KCNIP4: variants seen among roughly 807,000 people sequenced by gnomAD.
The protein encoded by KCNIP4 is Kv channel-interacting protein 4.
Under a neutral mutation model 34.0 loss-of-function variants are expected in KCNIP4, and 12 were observed. The ratio of observed to expected loss-of-function variants is 0.35; its 90% CI spans 0.23 to 0.57. The LOEUF (loss-of-function observed/expected upper bound fraction) is 0.57, where lower values mean the gene tolerates loss of function less well. Among genes scored for constraint, KCNIP4 ranks in the 20% least tolerant of loss-of-function variants. KCNIP4 has a pLI of 0.83. For missense variants in KCNIP4, 238 were observed against 311.7 expected (o/e 0.76, Z 1.78); for synonymous variants, 124 against 102.2 (o/e 1.21, Z -1.29).
At chr4:20,995,012 C>T (rs1737419843) in intron 1 of KCNIP4, among the ~76,000 whole-genome samples, 1 of 152,130 alleles carries the variant, frequency 6.6e-6, no homozygotes, top group Admixed American at 6.5e-5. Context: ...CAGCTCTAAC[C>T]CCTTCTGAAT....
intron 1 of KCNIP4, among the ~76,000 whole-genome samples, chr4:21,442,154 A>C (rs928446659): frequency 2.0e-5 from 3 of 152,166 alleles, no homozygotes. Context: ...TCACCTCCAG[A>C]ACCTGCCAGT....
In KCNIP4 at chr4:21,424,254, C is replaced by T. The variant is rs546998704; in HGVS notation, c.61+524317G>A. 9.5e-4 allele frequency among the ~76,000 whole-genome samples: 145 copies of T among 151,976 alleles called. 1 individual carries two copies. Among genetic ancestry groups the T allele is most frequent in the Middle Eastern group, 6.8e-3 (2 of 294 alleles). ...CCATATCTGGACTATCTGATCTTTT[C>T]CAATATGTGTAAATTTCTTAAAAAC... is the stretch of plus-strand genomic sequence containing the variant. On this transcript the variant is annotated intron_variant, in intron 1 of 8. Coordinates refer to ENST00000382152, the MANE Select transcript of KCNIP4 (RefSeq NM_025221.6).
At chr4:21,166,572 G>T (rs1432615318) in intron 1 of KCNIP4, among the ~76,000 whole-genome samples, 1 of 152,114 alleles carries the variant, frequency 6.6e-6, no homozygotes, top group Non-Finnish European at 1.5e-5. Context: ...ACATACAAAG[G>T]CTTGTCCACA....
chr4:21,588,732 A>G lies in KCNIP4; in HGVS notation c.61+359839T>C, dbSNP rs527501595. 2.0e-5 allele frequency among the ~76,000 whole-genome samples: 3 copies of G among 151,894 alleles called. No homozygotes were observed. In the East Asian group the frequency reaches 5.8e-4, roughly 29 times the overall value. On this transcript the variant is annotated intron_variant, in intron 1 of 8. Transcript: ENST00000382152. ...TATACCCTAACTGTAATTGAAATCT[A>G]CTCTGTCTCTAGAGAATATTGTCAG...
intron 1 of KCNIP4, among the ~76,000 whole-genome samples, chr4:21,614,447 A>C (rs1744424528): frequency 6.7e-6 from 1 of 150,012 alleles, no homozygotes; most frequent in African/African-American, 2.4e-5. Context: ...GGAAAGATAA[A>C]GGGAAAATAA....
intron 1 of KCNIP4, among the ~76,000 whole-genome samples, chr4:21,113,453 TTTAAAAAAAA>T (rs1354106116): frequency 2.4e-4 from 14 of 57,276 alleles, no homozygotes; most frequent in African/African-American, 1.3e-3. Flanking sequence ...TATCTATAAG[TTTAAAAAAAA>T]AAAAAAAAAA....
At chr4:21,472,224 C>A (rs566314058) in intron 1 of KCNIP4, among the ~76,000 whole-genome samples, 22 of 152,080 alleles carry the variant, frequency 1.4e-4, no homozygotes, top group Non-Finnish European at 2.9e-4. Context: ...CAATGTGTGT[C>A]ACATTTAGGG....
chr4:21,514,775 C>T (rs1679676368), intron 1 of KCNIP4, among the ~76,000 whole-genome samples: 1 of 152,120 alleles, frequency 6.6e-6, no homozygotes, highest in African/African-American at 2.4e-5. Flanking sequence ...GATATTTGCC[C>T]TCACCTCTCA....
At chr4:21,359,148 T>C (rs941018558) in intron 1 of KCNIP4, among the ~76,000 whole-genome samples, 3 of 151,994 alleles carry the variant, frequency 2.0e-5, no homozygotes, top group Non-Finnish European at 2.9e-5. Context: ...CCAATTTGAG[T>C]GGGGTTCATC....
intron 1 of KCNIP4, among the ~76,000 whole-genome samples, chr4:21,195,577 G>T (rs569030130): frequency 1.3e-5 from 2 of 152,258 alleles, no homozygotes; most frequent in East Asian, 3.9e-4. Context: ...CTTATTGATT[G>T]GACATGTGGT....
chr4:21,227,489 T>C (rs1318818292), intron 1 of KCNIP4, among the ~76,000 whole-genome samples: 3 of 152,122 alleles, frequency 2.0e-5, no homozygotes, highest in South Asian at 2.1e-4. Flanking sequence ...AAGAGTTTTT[T>C]TGAAGCATGC....
intron 1 of KCNIP4, among the ~76,000 whole-genome samples, chr4:21,672,528 A>C (rs1410273941): frequency 6.6e-6 from 1 of 152,224 alleles, no homozygotes; most frequent in Non-Finnish European, 1.5e-5. Flanking sequence ...ACAAAGGTTC[A>C]GTGTATATTA....
intron 1 of KCNIP4, among the ~76,000 whole-genome samples, chr4:21,030,608 T>C (rs1036483930): frequency 6.6e-6 from 1 of 152,156 alleles, no homozygotes. Flanking sequence ...AATCAAACCA[T>C]ACCACACTGA....
intron 1 of KCNIP4, among the ~76,000 whole-genome samples, chr4:20,997,389 A>G (rs1560632634): frequency 1.3e-5 from 2 of 152,324 alleles, no homozygotes; most frequent in East Asian, 3.9e-4. Context: ...CTGAGGCTTC[A>G]CATGTCCTCA....
rs748748063 is a variant in KCNIP4 at position 20,882,598 on chromosome 4, A to G, written c.163+10T>C. On this transcript the variant is annotated intron_variant, in intron 2 of 8. Coordinates refer to ENST00000382152, the MANE Select transcript of KCNIP4 (RefSeq NM_025221.6). Reference sequence around the variant, plus strand: ...TCGGAGGAAAAAAAAAAACAAAAAAACAAACTTGCTTTGAATAGCAGGAGA... The same window carrying G: ...TCGGAGGAAAAAAAAAAACAAAAAAGCAAACTTGCTTTGAATAGCAGGAGA... The G allele has an allele frequency of 6.2e-6, 10 of 1,606,526 alleles. 1 individual carries two copies. The South Asian group carries it at 8.8e-5, about 14-fold the overall frequency.
At chr4:21,365,541 A>T (rs111234333) in intron 1 of KCNIP4, among the ~76,000 whole-genome samples, 7,801 of 69,422 alleles carry the variant, frequency 0.11, 267 homozygotes, top group Non-Finnish European at 0.17. Flanking sequence ...AAGAAAGAAA[A>T]GAAAAAGAAA....
At chr4:20,889,767 C>CAAAAAAAAAAAAAA (rs201346832) in intron 1 of KCNIP4, among the ~76,000 whole-genome samples, 1 of 114,002 alleles carries the variant, frequency 8.8e-6, no homozygotes. Context: ...ACTGGAAGTT[C>CAAAAAAAAAAAAAA]AAAAAAAAAA....
chr4:21,885,306 A>T (rs375557577), intron 1 of KCNIP4, among the ~76,000 whole-genome samples: 42 of 152,266 alleles, frequency 2.8e-4, no homozygotes, highest in African/African-American at 9.6e-4. Context: ...AAGCCACTAC[A>T]TTCTGTAGAA....
intron 1 of KCNIP4, among the ~76,000 whole-genome samples, chr4:21,581,332 C>T (rs182380584): frequency 3.9e-5 from 6 of 152,030 alleles, no homozygotes; most frequent in Admixed American, 3.9e-4. Context: ...TCTTCTGAAA[C>T]ATCTGGAAAA....
Sources: gnomAD v4.1 joint callset for allele counts (sites outside exome capture counted in the v4.1 genomes callset) on GRCh38, gnomAD v4.1.1 for gene constraint, MANE v1.5 for transcripts, NCBI Gene and HGNC (gene_info 2026-07-23, HGNC 2026-07-21) for gene names.